Variants in SEC24D observed in about 807,000 individuals in gnomAD.
SEC24D encodes protein transport protein Sec24D.
Under a neutral mutation model 116.9 loss-of-function variants are expected in SEC24D, and 69 were observed. That is an observed-to-expected ratio of 0.59 (90% CI 0.49 to 0.72). The LOEUF is 0.72. Ranked by LOEUF, SEC24D falls within the 30% of genes least tolerant of loss-of-function variation. SEC24D has a pLI of 0.00. For synonymous variants in SEC24D, 405 were observed against 442.8 expected (o/e 0.91, Z 1.07); for missense variants, 1,131 against 1,264.1 (o/e 0.89, Z 1.60).
chr4:118,727,480 T>C (rs1725472039), intron 22 of SEC24D, among the ~76,000 whole-genome samples: 2 of 152,074 alleles, frequency 1.3e-5, no homozygotes, highest in South Asian at 2.1e-4. Flanking sequence ...ATGCTTAGTC[T>C]TGCCTCTTTT....
At chr4:118,832,113 G>C (rs953862690) in intron 2 of SEC24D, among the ~76,000 whole-genome samples, 2 of 151,982 alleles carry the variant, frequency 1.3e-5, no homozygotes, top group East Asian at 3.9e-4. Context: ...TGAGGCAGGA[G>C]AATCACTAGA....
chr4:118,826,139 G>A (rs1291459609), intron 2 of SEC24D, among the ~76,000 whole-genome samples: 3 of 151,844 alleles, frequency 2.0e-5, no homozygotes, highest in Non-Finnish European at 2.9e-5. Context: ...GTTTTACTTA[G>A]CAAATTCATA....
intron 2 of SEC24D, among the ~76,000 whole-genome samples, chr4:118,832,510 G>T (rs1026084289): frequency 6.6e-5 from 10 of 152,170 alleles, no homozygotes. Flanking sequence ...AGATGCCTGT[G>T]AAGAGGGAAG....
At chr4:118,771,613 T>A (rs1013957465) in intron 8 of SEC24D, among the ~76,000 whole-genome samples, 3 of 151,620 alleles carry the variant, frequency 2.0e-5, no homozygotes, top group African/African-American at 7.2e-5. Flanking sequence ...CAAGTGAGAA[T>A]ATCATTCTAC....
chr4:118,814,988 C>A (rs778769112), intron 6 of SEC24D, 40 bp downstream of exon 6: 2 of 1,602,618 alleles, frequency 1.2e-6, no homozygotes, highest in South Asian at 1.1e-5. Context: ...AATTAATGCT[C>A]CTTTGTGAGT....
intron 21 of SEC24D, chr4:118,728,933 C>T (rs964588633): frequency 3.8e-6 from 1 of 265,756 alleles, no homozygotes; most frequent in African/African-American, 2.2e-5. Context: ...GTAGTCAGCC[C>T]TCTGTATCCA....
chr4:118,776,676 C>T (rs1195490969), intron 8 of SEC24D, among the ~76,000 whole-genome samples: 1 of 152,088 alleles, frequency 6.6e-6, no homozygotes, highest in Non-Finnish European at 1.5e-5. Flanking sequence ...ATTATCTCTC[C>T]AGAATCTTAT....
chr4:118,806,471 C>CCTCCT (rs1729685194), intron 6 of SEC24D, among the ~76,000 whole-genome samples: 1 of 151,812 alleles, frequency 6.6e-6, no homozygotes, highest in Non-Finnish European at 1.5e-5. Flanking sequence ...AGGTGGGTGC[C>CCTCCT]ACCACACCTG....
At chr4:118,798,802 A>T (rs990272693) in intron 7 of SEC24D, among the ~76,000 whole-genome samples, 8 of 152,246 alleles carry the variant, frequency 5.3e-5, no homozygotes, top group Admixed American at 1.3e-4. Context: ...GAGTCATAGG[A>T]GGCAAGCGAT....
At position 118,732,897 on chromosome 4, in the gene SEC24D, A is replaced by C. The variant is rs1725766195; in HGVS notation, c.2512T>G (p.Ser838Ala). Residue 838 changes from serine (S) to alanine (A), a missense_variant, in exon 20 of 23, where the codon TCC becomes GCC. Ser to Ala is a moderately conservative substitution (Grantham distance 99). Transcript: ENST00000280551. Reference protein sequence around the residue: ...SAASQLILPDSMKVLPVYMNC... With the variant: ...SAASQLILPDAMKVLPVYMNC... ...ATGTACACTGGCAATACTTTCATGG[A>C]ATCTGGTAGAATAAGCTGAAAAAGA... The C allele has an allele frequency of 1.9e-6, 3 of 1,613,394 alleles. No homozygotes were observed. Among genetic ancestry groups the C allele is most frequent in the Non-Finnish European group, 2.5e-6 (3 of 1,179,574 alleles).
chr4:118,833,820 T>C (rs1730978458), intron 1 of SEC24D, 83 bp from the exon 2 acceptor site: 2 of 645,258 alleles, frequency 3.1e-6, no homozygotes, highest in Admixed American at 3.0e-5. Flanking sequence ...TGTTATTACA[T>C]GTTTATGATG....
At chr4:118,768,800 T>C (rs1358234070) in intron 8 of SEC24D, among the ~76,000 whole-genome samples, 1 of 152,230 alleles carries the variant, frequency 6.6e-6, no homozygotes, top group Non-Finnish European at 1.5e-5. Context: ...TTGTCCAGAA[T>C]ACCCAAACAA....
At chr4:118,812,038 T>G (rs1262788169) in intron 6 of SEC24D, among the ~76,000 whole-genome samples, 1 of 152,182 alleles carries the variant, frequency 6.6e-6, no homozygotes, top group Non-Finnish European at 1.5e-5. Context: ...GAAGTAGCGA[T>G]GTGCCAGTTC....
chr4:118,751,112 A>G (rs1409348688), intron 13 of SEC24D, among the ~76,000 whole-genome samples: 1 of 150,748 alleles, frequency 6.6e-6, no homozygotes, highest in Non-Finnish European at 1.5e-5. Context: ...TTTAGAAACT[A>G]GCTGTCAGGG....
At chr4:118,804,923 C>CACACACACACACACACAT (rs61167863) in intron 7 of SEC24D, among the ~76,000 whole-genome samples, 1 of 140,560 alleles carries the variant, frequency 7.1e-6, no homozygotes, top group East Asian at 2.1e-4. Context: ...CACACACACA[C>CACACACACACACACACAT]ATATACAAAG....
chr4:118,738,277 G>A lies in SEC24D; in HGVS notation c.2480C>T (p.Pro827Leu), dbSNP rs564085863. 1.2e-6 allele frequency: 2 copies of A among 1,612,048 alleles called. No individual in the cohort carries two copies. The highest frequency in any genetic ancestry group is 2.7e-5 in the African/African-American group (2 of 74,958). Residue 827 changes from proline to leucine, a missense_variant, in exon 19 of 23, where the codon CCT becomes CTT. Physicochemically the swap from Pro to Leu is moderately conservative, Grantham distance 98 (BLOSUM62 -3). Coordinates refer to ENST00000280551, the MANE Select transcript of SEC24D (RefSeq NM_014822.4). ...GTAGCTCACCTGGCTTGCTGCAGAA[G>A]GACTTGCACAATTCTTCCGGTAACA... ...LACYRKNCAS[P>L]SAASQLILPD...
At position 118,764,922 on chromosome 4, in the gene SEC24D, T is replaced by C. The variant is rs767037580; in HGVS notation, c.1181-5A>G. ...GTTGGAAATAGAATGGTGGAACTAA[T>C]AAAAACAAAATAGGAAAGAAAATAT... On this transcript the variant is annotated splice_polypyrimidine_tract_variant and splice_region_variant and intron_variant, in intron 9 of 22. Coordinates refer to ENST00000280551, the MANE Select transcript of SEC24D (RefSeq NM_014822.4). 10 of 1,471,648 alleles carry C rather than the reference T, an allele frequency of 6.8e-6. No homozygotes were observed. The highest frequency in any genetic ancestry group is 9.5e-6 in the Non-Finnish European group (10 of 1,054,550). 91.2% of individuals were successfully genotyped at this position (1,471,648 alleles called of 1,614,324 possible).
At chr4:118,760,029 C>T (rs1727293246) in intron 10 of SEC24D, among the ~76,000 whole-genome samples, 1 of 152,202 alleles carries the variant, frequency 6.6e-6, no homozygotes, top group Non-Finnish European at 1.5e-5. Context: ...GGCTTGAAAT[C>T]TCACTGTCTC....
intron 15 of SEC24D, among the ~76,000 whole-genome samples, chr4:118,742,080 A>T (rs1296208243): frequency 1.3e-5 from 2 of 152,186 alleles, no homozygotes; most frequent in Non-Finnish European, 2.9e-5. Flanking sequence ...ACATTGAAAG[A>T]ATCAGTAATA....
Sources: allele counts gnomAD v4.1 joint callset (sites outside exome capture counted in the v4.1 genomes callset), GRCh38; gene constraint gnomAD v4.1.1; transcripts MANE v1.5; gene names NCBI Gene and HGNC (gene_info 2026-07-23, HGNC 2026-07-21).